Variants in BICRAL observed in about 807,000 individuals in gnomAD.
BICRAL encodes BRD4-interacting chromatin-remodeling complex-associated protein-like.
BICRAL carries 8 observed loss-of-function variants against 91.8 expected under a neutral mutation model. The observed-to-expected ratio is 0.09, with a 90% CI of 0.05 to 0.16. BICRAL has a LOEUF of 0.16. Ranked by LOEUF, BICRAL falls within the 10% of genes least tolerant of loss-of-function variation. The pLI, the probability that BICRAL is intolerant of heterozygous loss-of-function variation, is 1.00. For synonymous variants in BICRAL, 445 were observed against 491.1 expected, an observed-to-expected ratio of 0.91 and a Z score of 1.24; for missense variants, 1,038 against 1,310.9, an observed-to-expected ratio of 0.79 and a Z score of 3.21.
At chr6:42,774,845 T>C (rs1762787698) in intron 1 of BICRAL, among the ~76,000 whole-genome samples, 1 of 151,924 alleles carries the variant, frequency 6.6e-6, no homozygotes, top group South Asian at 2.1e-4. Flanking sequence ...TTTTTTTCTT[T>C]ATTGTCAAGG....
intron 6 of BICRAL, among the ~76,000 whole-genome samples, chr6:42,830,408 A>G (rs1764439199): frequency 6.6e-6 from 1 of 152,002 alleles, no homozygotes; most frequent in Non-Finnish European, 1.5e-5. Flanking sequence ...TCTACCAAAA[A>G]TTAAAAAATT....
At chr6:42,767,290 T>G (rs1327230150) in intron 1 of BICRAL, among the ~76,000 whole-genome samples, 1 of 152,202 alleles carries the variant, frequency 6.6e-6, no homozygotes, top group Admixed American at 6.5e-5. Context: ...GTTTTCTATT[T>G]ATGTCATTTA....
At chr6:42,840,993 T>C (rs1764778572) in intron 6 of BICRAL, among the ~76,000 whole-genome samples, 1 of 148,914 alleles carries the variant, frequency 6.7e-6, no homozygotes, top group South Asian at 2.2e-4. Flanking sequence ...CAAGATAGCT[T>C]TAACCCAGGA....
chr6:42,864,227 C>A (rs1213553608), intron 12 of BICRAL, among the ~76,000 whole-genome samples: 4 of 152,040 alleles, frequency 2.6e-5, no homozygotes, highest in South Asian at 4.2e-4. Flanking sequence ...GTAATCCCAG[C>A]TACTCGAGAG....
intron 6 of BICRAL, among the ~76,000 whole-genome samples, chr6:42,833,518 G>A (rs1364089313): frequency 6.6e-6 from 1 of 151,644 alleles, no homozygotes; most frequent in Non-Finnish European, 1.5e-5. Flanking sequence ...TACGATCTCG[G>A]CTCACTGCAA....
chr6:42,819,523 T>G (rs998355304), intron 2 of BICRAL, among the ~76,000 whole-genome samples: 1 of 152,026 alleles, frequency 6.6e-6, no homozygotes, highest in African/African-American at 2.4e-5. Context: ...TGACCTCAGG[T>G]GATCCACCCA....
chr6:42,772,326 C>T (rs1300581640), intron 1 of BICRAL, among the ~76,000 whole-genome samples: 1 of 152,080 alleles, frequency 6.6e-6, no homozygotes, highest in Non-Finnish European at 1.5e-5. Context: ...TTGAAAGCCA[C>T]TGAGTTAGGC....
rs182049919 is a variant in BICRAL at position 42,865,856 on chromosome 6, C to T, written c.*410C>T. 733 of 156,296 alleles carry T rather than the reference C, an allele frequency of 4.7e-3. 6 individuals carry two copies. The highest frequency in any genetic ancestry group is 6.1e-3 in the Non-Finnish European group (433 of 70,644). 9.7% of individuals were successfully genotyped at this position (156,296 alleles called of 1,614,324 possible). The stretch of plus-strand genomic sequence containing the variant: ...ACAGACTTACTAAAATCAAACGAGA[C>T]GGATAGAAGCTACTTTTTAAAGAAT... On this transcript the variant is annotated 3_prime_UTR_variant, in exon 13 of 13. Transcript: ENST00000314073.
intron 7 of BICRAL, among the ~76,000 whole-genome samples, chr6:42,853,078 A>G (rs1765244570): frequency 1.3e-5 from 2 of 151,916 alleles, no homozygotes; most frequent in South Asian, 2.1e-4. Context: ...AAAAAAAAAA[A>G]AAAAGAAAAG....
chr6:42,806,980 G>T (rs1421297502), intron 1 of BICRAL, among the ~76,000 whole-genome samples: 1 of 151,318 alleles, frequency 6.6e-6, no homozygotes. Flanking sequence ...ACAGGTACCC[G>T]TCAACAGTCC....
At chr6:42,824,459 C>T (rs554295063) in intron 5 of BICRAL, among the ~76,000 whole-genome samples, 1 of 152,210 alleles carries the variant, frequency 6.6e-6, no homozygotes, top group Admixed American at 6.5e-5. Flanking sequence ...ATTCTCCTGC[C>T]TCAGCTTCCC....
rs145436476 is a variant in BICRAL at position 42,847,219 on chromosome 6, C to T, written c.1840-4873C>T. 1.3e-3 allele frequency among the ~76,000 whole-genome samples: 197 copies of T among 152,282 alleles called. 1 individual carries two copies. Among genetic ancestry groups the T allele is most frequent in the African/African-American group, 4.6e-3 (190 of 41,560 alleles). ...GAGCTAAGATCGTGCCACTACACTACAGCCAGGGCAACAGATACCCTGTCT... is the reference window on the plus strand; with the variant it reads ...GAGCTAAGATCGTGCCACTACACTATAGCCAGGGCAACAGATACCCTGTCT... On this transcript the variant is annotated intron_variant, in intron 6 of 12. Transcript: ENST00000314073.
chr6:42,822,750 G>A (rs770753347), intron 3 of BICRAL, 46 bp from the exon 4 acceptor site: 1 of 1,018,030 alleles, frequency 9.8e-7, no homozygotes, highest in East Asian at 2.4e-5. Context: ...AATATAGATA[G>A]TATATTTGTT....
intron 1 of BICRAL, among the ~76,000 whole-genome samples, chr6:42,754,308 A>G (rs1209169870): frequency 6.6e-6 from 1 of 151,690 alleles, no homozygotes; most frequent in Non-Finnish European, 1.5e-5. Context: ...AGTAGCTGGG[A>G]CTACAGGCGC....
chr6:42,766,084 T>C (rs1481158361), intron 1 of BICRAL, among the ~76,000 whole-genome samples: 2 of 152,166 alleles, frequency 1.3e-5, no homozygotes, highest in Non-Finnish European at 2.9e-5. Flanking sequence ...GGGCTCAAGC[T>C]ATCCATCCAC....
At chr6:42,857,370 T>C in intron 10 of BICRAL, 134 bp downstream of exon 10, 1 of 674,982 alleles carries the variant, frequency 1.5e-6, no homozygotes, top group Non-Finnish European at 2.5e-6. Flanking sequence ...CCAAACTTGT[T>C]CCCTGTTTAC....
chr6:42,826,163 T>C (rs532389344), intron 5 of BICRAL, among the ~76,000 whole-genome samples: 2 of 150,020 alleles, frequency 1.3e-5, no homozygotes, highest in East Asian at 3.9e-4. Flanking sequence ...CTTGGCCAAA[T>C]AGTACACAGC....
At chr6:42,809,949 G>A (rs1472474396) in intron 1 of BICRAL, among the ~76,000 whole-genome samples, 4 of 151,966 alleles carry the variant, frequency 2.6e-5, no homozygotes, top group African/African-American at 7.3e-5. Context: ...ACCACACCTG[G>A]TTGAGTTCTG....
chr6:42,782,342 T>TGG (rs1562457936), intron 1 of BICRAL, among the ~76,000 whole-genome samples: 3 of 104,634 alleles, frequency 2.9e-5, no homozygotes, highest in African/African-American at 8.3e-5. Context: ...TTTTTTTTTT[T>TGG]TGGGGGGGGG....
Sources: gnomAD v4.1 joint callset for allele counts (sites outside exome capture counted in the v4.1 genomes callset) on GRCh38, gnomAD v4.1.1 for gene constraint, MANE v1.5 for transcripts, NCBI Gene and HGNC (gene_info 2026-07-23, HGNC 2026-07-21) for gene names.